PAK5: variants seen among roughly 807,000 people sequenced by gnomAD.
PAK5 encodes p21 (RAC1) activated kinase 5, also known as serine/threonine-protein kinase PAK 5.
Under a neutral mutation model 65.9 loss-of-function variants are expected in PAK5, and 16 were observed. That is an observed-to-expected ratio of 0.24 (90% CI 0.16 to 0.37). The LOEUF (loss-of-function observed/expected upper bound fraction) is 0.37. Among genes scored for constraint, PAK5 ranks in the 10% least tolerant of loss-of-function variants. PAK5 has a pLI of 1.00. For missense variants in PAK5, 785 were observed against 903.9 expected, an observed-to-expected ratio of 0.87 and a Z score of 1.69; for synonymous variants, 371 against 354.9, an observed-to-expected ratio of 1.05 and a Z score of -0.51.
At chr20:9,820,153 G>T (rs1188166170) in intron 1 of PAK5, among the ~76,000 whole-genome samples, 1 of 152,214 alleles carries the variant, frequency 6.6e-6, no homozygotes, top group African/African-American at 2.4e-5. Flanking sequence ...TTGAAGATAC[G>T]CCCTGCTTCC....
chr20:9,819,499 A>G (rs1379136782), intron 1 of PAK5, among the ~76,000 whole-genome samples: 1 of 152,218 alleles, frequency 6.6e-6, no homozygotes. Flanking sequence ...TGGGTCAGAA[A>G]TCTTTGTGGA....
chr20:9,746,774 G>A (rs1203904501), intron 1 of PAK5, among the ~76,000 whole-genome samples: 7 of 152,102 alleles, frequency 4.6e-5, no homozygotes, highest in African/African-American at 1.7e-4. Flanking sequence ...AAAGCCAACA[G>A]TACCAAAAGC....
chr20:9,693,313 G>A (rs1002753147), intron 2 of PAK5, among the ~76,000 whole-genome samples: 1 of 152,086 alleles, frequency 6.6e-6, no homozygotes, highest in African/African-American at 2.4e-5. Flanking sequence ...AAATGGCTTT[G>A]GCTTTTTATT....
intron 2 of PAK5, among the ~76,000 whole-genome samples, chr20:9,656,987 A>G (rs1417234453): frequency 6.6e-6 from 1 of 152,206 alleles, no homozygotes; most frequent in Non-Finnish European, 1.5e-5. Flanking sequence ...TTAGGGTACC[A>G]TATCAAGACC....
rs776252373 is a variant in PAK5, at chr20:9,582,084, T to G, written c.205-1154A>C. Among the ~76,000 whole-genome samples, 47 of 152,308 alleles carry G rather than the reference T, an allele frequency of 3.1e-4. No individual in the cohort carries two copies. In the South Asian group the frequency reaches 3.3e-3, roughly 11 times the overall value. ...TTTCTTTCAAATAAAATTTTTATTC[T>G]AGAATAGTTTTAGATTAACAGAGAA... is the stretch of plus-strand genomic sequence containing the variant. On this transcript the variant is annotated intron_variant, in intron 3 of 9. Coordinates refer to ENST00000353224, the MANE Select transcript of PAK5 (RefSeq NM_177990.4).
intron 1 of PAK5, among the ~76,000 whole-genome samples, chr20:9,761,117 G>C (rs2423466): frequency 0.74 from 112,360 of 152,072 alleles, 41,754 homozygotes; most frequent in East Asian, 0.89. Context: ...CTAACCTAAC[G>C]CAACAGAAGT....
At chr20:9,599,408 C>A (rs371499150) in intron 3 of PAK5, among the ~76,000 whole-genome samples, 4 of 152,190 alleles carry the variant, frequency 2.6e-5, no homozygotes, top group African/African-American at 7.2e-5. Context: ...CCACGTTTAA[C>A]CTTCTGAAGA....
At chr20:9,679,524 T>C (rs1260679115) in intron 2 of PAK5, among the ~76,000 whole-genome samples, 2 of 152,170 alleles carry the variant, frequency 1.3e-5, no homozygotes, top group East Asian at 3.9e-4. Context: ...ACCTTTTTTT[T>C]CTCATCTCCC....
At chr20:9,651,147 T>C (rs1439994770) in intron 2 of PAK5, among the ~76,000 whole-genome samples, 4 of 152,202 alleles carry the variant, frequency 2.6e-5, no homozygotes, top group Admixed American at 2.0e-4. Context: ...GCTACATTTA[T>C]CAGTTCTGCA....
chr20:9,558,867 A>G (rs2045551688), intron 6 of PAK5, among the ~76,000 whole-genome samples: 1 of 152,198 alleles, frequency 6.6e-6, no homozygotes, highest in African/African-American at 2.4e-5. Flanking sequence ...CTGTGGAGAA[A>G]GTTTTTCCTT....
At chr20:9,694,219 C>T (rs1382240771) in intron 2 of PAK5, among the ~76,000 whole-genome samples, 8 of 151,874 alleles carry the variant, frequency 5.3e-5, no homozygotes, top group African/African-American at 1.5e-4. Context: ...AGGTCAATTG[C>T]AAACTAGAGT....
At chr20:9,541,941 G>C (rs1241689577) in intron 9 of PAK5, among the ~76,000 whole-genome samples, 1 of 152,128 alleles carries the variant, frequency 6.6e-6, no homozygotes, top group Non-Finnish European at 1.5e-5. Flanking sequence ...TTCGCCTTCT[G>C]CCATGATTGT....
chr20:9,684,779 G>A (rs957784735), intron 2 of PAK5, among the ~76,000 whole-genome samples: 2 of 152,152 alleles, frequency 1.3e-5, no homozygotes, highest in Admixed American at 1.3e-4. Context: ...CTCTTTTCCA[G>A]GAATTCTAAT....
chr20:9,657,972 C>T (rs1465501960), intron 2 of PAK5, among the ~76,000 whole-genome samples: 2 of 152,202 alleles, frequency 1.3e-5, no homozygotes, highest in South Asian at 4.1e-4. Context: ...ATCAATGACA[C>T]TAATATCCAA....
At chr20:9,754,271 C>T (rs1325731101) in intron 1 of PAK5, among the ~76,000 whole-genome samples, 1 of 152,094 alleles carries the variant, frequency 6.6e-6, no homozygotes, top group Non-Finnish European at 1.5e-5. Context: ...CTTTAATTCA[C>T]CTTATTGCTA....
intron 2 of PAK5, among the ~76,000 whole-genome samples, chr20:9,678,739 G>A (rs1433645815): frequency 2.0e-5 from 3 of 152,086 alleles, no homozygotes; most frequent in Non-Finnish European, 2.9e-5. Flanking sequence ...CCAAGCAAAA[G>A]GGGGGAAAGC....
intron 3 of PAK5, among the ~76,000 whole-genome samples, chr20:9,602,749 T>C (rs1354077909): frequency 2.0e-5 from 3 of 152,206 alleles, no homozygotes; most frequent in African/African-American, 7.2e-5. Context: ...ATCCTCTTCA[T>C]CAATCAAAGT....
chr20:9,558,787 A>G (rs1463316671), intron 6 of PAK5, among the ~76,000 whole-genome samples: 1 of 152,180 alleles, frequency 6.6e-6, no homozygotes, highest in Admixed American at 6.5e-5. Context: ...GTATTTTAAT[A>G]AATGGACCAT....
chr20:9,631,956 A>G (rs2046927706), intron 3 of PAK5, among the ~76,000 whole-genome samples: 3 of 152,242 alleles, frequency 2.0e-5, no homozygotes, highest in African/African-American at 7.2e-5. Context: ...AGGATTTGAT[A>G]GTTCCACTAA....
Sources: allele counts gnomAD v4.1 joint callset (sites outside exome capture counted in the v4.1 genomes callset), GRCh38; gene constraint gnomAD v4.1.1; transcripts MANE v1.5; gene names NCBI Gene and HGNC (gene_info 2026-07-23, HGNC 2026-07-21).